CLSTN2: variants seen among roughly 807,000 people sequenced by gnomAD.
The protein encoded by CLSTN2 is calsyntenin-2.
A neutral mutation model predicts 101.2 loss-of-function variants in CLSTN2; 48 were observed. That is an observed-to-expected ratio of 0.47 (90% CI 0.38 to 0.60). The LOEUF (loss-of-function observed/expected upper bound fraction) is 0.60, where lower values mean the gene tolerates loss of function less well. Ranked by LOEUF, CLSTN2 falls within the 20% of genes least tolerant of loss-of-function variation. The probability of loss-of-function intolerance (pLI) is 0.00; values close to 1 mark genes in which losing one functional copy is unlikely to be tolerated. For missense variants in CLSTN2, 1,160 were observed against 1,238.2 expected (o/e 0.94, Z 0.95); for synonymous variants, 481 against 463.6 (o/e 1.04, Z -0.48).
intron 1 of CLSTN2, among the ~76,000 whole-genome samples, chr3:140,076,315 A>T (rs775451148): frequency 5.9e-5 from 9 of 151,890 alleles, no homozygotes; most frequent in Non-Finnish European, 1.0e-4. Context: ...CTGTTGATGG[A>T]CTCTTAGGCT....
chr3:139,939,881 G>C (rs1285566166), intron 1 of CLSTN2, among the ~76,000 whole-genome samples: 1 of 152,202 alleles, frequency 6.6e-6, no homozygotes, highest in South Asian at 2.1e-4. Flanking sequence ...CTGACCTGCT[G>C]CCATCCTGAA....
chr3:140,292,677 G>T (rs1163234164), intron 2 of CLSTN2, among the ~76,000 whole-genome samples: 1 of 152,150 alleles, frequency 6.6e-6, no homozygotes, highest in East Asian at 1.9e-4. Flanking sequence ...TTAATCAAAT[G>T]ACATTAAGTA....
intron 1 of CLSTN2, among the ~76,000 whole-genome samples, chr3:139,970,848 T>C (rs1935686137): frequency 6.6e-6 from 1 of 152,184 alleles, no homozygotes; most frequent in South Asian, 2.1e-4. Flanking sequence ...TTCTTATATG[T>C]AATGATGGGA....
At chr3:140,024,410 C>G (rs1426230672) in intron 1 of CLSTN2, among the ~76,000 whole-genome samples, 1 of 152,182 alleles carries the variant, frequency 6.6e-6, no homozygotes, top group Non-Finnish European at 1.5e-5. Flanking sequence ...CAGGCAGGAC[C>G]CACATCAGCT....
chr3:140,099,576 T>C (rs1225599265), intron 1 of CLSTN2, among the ~76,000 whole-genome samples: 2 of 152,126 alleles, frequency 1.3e-5, no homozygotes, highest in Non-Finnish European at 2.9e-5. Context: ...TGTGGACCTA[T>C]TTTGTCAGGG....
chr3:140,212,526 C>T lies in CLSTN2; in HGVS notation c.232+36453C>T, dbSNP rs78389895. On this transcript the variant is annotated intron_variant, in intron 2 of 16. Transcript: ENST00000458420. Reference sequence around the variant, plus strand: ...TGAGAACCACCCAAAGCCTCTCAGCCTTTAGCTAGCCTGAGATTGCTTAGT... The same window carrying T: ...TGAGAACCACCCAAAGCCTCTCAGCTTTTAGCTAGCCTGAGATTGCTTAGT... 1.5e-3 allele frequency among the ~76,000 whole-genome samples: 232 copies of T among 152,318 alleles called. No individual in the cohort carries two copies. The Middle Eastern group carries it at 0.02, about 13-fold the overall frequency.
chr3:140,518,057 C>T (rs376739739), intron 8 of CLSTN2, among the ~76,000 whole-genome samples: 4 of 152,078 alleles, frequency 2.6e-5, no homozygotes, highest in African/African-American at 4.8e-5. Flanking sequence ...TCCTGTGTCA[C>T]GCAGGTCACC....
At chr3:139,983,416 A>G (rs1935967471) in intron 1 of CLSTN2, among the ~76,000 whole-genome samples, 1 of 152,116 alleles carries the variant, frequency 6.6e-6, no homozygotes, top group African/African-American at 2.4e-5. Flanking sequence ...CCAAAGAGAG[A>G]AAAGAGCTTT....
chr3:140,525,384 T>C (rs931735952), intron 8 of CLSTN2, among the ~76,000 whole-genome samples: 6 of 152,068 alleles, frequency 3.9e-5, no homozygotes, highest in Non-Finnish European at 8.8e-5. Flanking sequence ...TCTCCCAAGA[T>C]TGAACTAGGA....
intron 1 of CLSTN2, among the ~76,000 whole-genome samples, chr3:140,109,875 T>A (rs2009124135): frequency 6.6e-6 from 1 of 152,160 alleles, no homozygotes; most frequent in Non-Finnish European, 1.5e-5. Context: ...TTAGTACAAG[T>A]CATGCTCCTC....
chr3:140,202,557 T>C (rs980605766), intron 2 of CLSTN2, among the ~76,000 whole-genome samples: 6 of 152,170 alleles, frequency 3.9e-5, no homozygotes, highest in South Asian at 4.2e-4. Flanking sequence ...CTGTGCCTTA[T>C]AGCTTCCAAG....
At chr3:140,348,229 A>G (rs2087569127) in intron 2 of CLSTN2, among the ~76,000 whole-genome samples, 1 of 152,168 alleles carries the variant, frequency 6.6e-6, no homozygotes, top group Non-Finnish European at 1.5e-5. Context: ...AAGAAACCAC[A>G]TTTTGCAGTC....
At chr3:140,439,924 A>G (rs773297667) in intron 5 of CLSTN2, among the ~76,000 whole-genome samples, 6 of 152,192 alleles carry the variant, frequency 3.9e-5, no homozygotes, top group Admixed American at 1.3e-4. Flanking sequence ...ATCTATGTGT[A>G]TGTGTGTTCT....
At chr3:139,963,072 T>C (rs1935538809) in intron 1 of CLSTN2, among the ~76,000 whole-genome samples, 1 of 152,134 alleles carries the variant, frequency 6.6e-6, no homozygotes, top group Non-Finnish European at 1.5e-5. Context: ...ATTATTCTGG[T>C]CCCCTCATAA....
intron 2 of CLSTN2, among the ~76,000 whole-genome samples, chr3:140,229,775 C>A (rs767772644): frequency 2.1e-4 from 32 of 152,016 alleles, no homozygotes; most frequent in African/African-American, 7.5e-4. Flanking sequence ...CTGTCAAGAT[C>A]TTCTCTTATA....
chr3:140,466,810 G>T, intron 8 of CLSTN2, 79 bp downstream of exon 8: 1 of 1,580,052 alleles, frequency 6.3e-7, no homozygotes, highest in East Asian at 2.3e-5. Flanking sequence ...GATGGCAGTG[G>T]GGAGGCACTG....
intron 1 of CLSTN2, among the ~76,000 whole-genome samples, chr3:140,046,685 A>G (rs1298121722): frequency 1.3e-5 from 2 of 152,128 alleles, no homozygotes; most frequent in Non-Finnish European, 2.9e-5. Context: ...GGCTTCCTTC[A>G]GGAGCTCTTG....
intron 2 of CLSTN2, among the ~76,000 whole-genome samples, chr3:140,278,661 T>C (rs748525777): frequency 9.2e-5 from 14 of 152,198 alleles, no homozygotes; most frequent in African/African-American, 1.7e-4. Flanking sequence ...TGGAATAAAC[T>C]AAAGCAAGCT....
rs138110441 is a variant in CLSTN2, at chr3:140,435,845, C to T, written c.788-12674C>T. Among the ~76,000 whole-genome samples the T allele has an allele frequency of 4.3e-3, 649 of 152,272 alleles. 8 individuals carry two copies. The highest frequency in any genetic ancestry group is 0.014 in the African/African-American group (591 of 41,564). On this transcript the variant is annotated intron_variant, in intron 5 of 16. Coordinates refer to ENST00000458420, the MANE Select transcript of CLSTN2 (RefSeq NM_022131.3). ...GTGATGTTGAGCCCCTTTTCATATGCCTGTTTCCCATTTGTAGGTCTTCTT... is the reference window on the plus strand; with the variant it reads ...GTGATGTTGAGCCCCTTTTCATATGTCTGTTTCCCATTTGTAGGTCTTCTT...
Sources: allele counts gnomAD v4.1 joint callset (sites outside exome capture counted in the v4.1 genomes callset), GRCh38; gene constraint gnomAD v4.1.1; transcripts MANE v1.5; gene names NCBI Gene and HGNC (gene_info 2026-07-23, HGNC 2026-07-21).